NRXN3: variants seen among roughly 807,000 people sequenced by gnomAD.
NRXN3 encodes neurexin III.
NRXN3 carries 32 observed loss-of-function variants against 137.6 expected under a neutral mutation model. The ratio of observed to expected loss-of-function variants is 0.23; its 90% CI spans 0.18 to 0.31. NRXN3 has a LOEUF of 0.31. Ranked by LOEUF, NRXN3 falls within the 10% of genes least tolerant of loss-of-function variation. The pLI, the probability that NRXN3 is intolerant of heterozygous loss-of-function variation, is 1.00. For missense variants in NRXN3, 1,574 were observed against 2,062.5 expected (o/e 0.76, Z 4.59); for synonymous variants, 798 against 784.5 (o/e 1.02, Z -0.29).
intron 10 of NRXN3, among the ~76,000 whole-genome samples, chr14:78,826,545 T>C (rs2098967313): frequency 6.6e-6 from 1 of 152,196 alleles, no homozygotes; most frequent in Admixed American, 6.5e-5. Flanking sequence ...CCAAACTCAT[T>C]GGGTTCTAAG....
intron 16 of NRXN3, among the ~76,000 whole-genome samples, chr14:79,625,882 G>A (rs1387783696): frequency 6.6e-6 from 1 of 152,180 alleles, no homozygotes; most frequent in Non-Finnish European, 1.5e-5. Flanking sequence ...CGGCAACTGA[G>A]CCTCTTTCAC....
intron 4 of NRXN3, among the ~76,000 whole-genome samples, chr14:78,417,445 A>C (rs568794910): frequency 3.5e-4 from 54 of 152,202 alleles, no homozygotes; most frequent in Middle Eastern, 3.4e-3. Flanking sequence ...CTGTGCTCAT[A>C]ATTTCCTGAG....
intron 15 of NRXN3, among the ~76,000 whole-genome samples, chr14:78,993,593 T>C (rs1355653729): frequency 6.6e-6 from 1 of 152,210 alleles, no homozygotes; most frequent in Non-Finnish European, 1.5e-5. Flanking sequence ...CTTTATCATG[T>C]ATTGATTCAT....
chr14:78,803,541 G>T, intron 8 of NRXN3, 79 bp from the exon 9 acceptor site: 1 of 1,343,368 alleles, frequency 7.4e-7, no homozygotes, highest in African/African-American at 1.4e-5. Context: ...CTCTCTACTC[G>T]CTTAGCCTGA....
chr14:78,943,276 G>T (rs951781505), intron 10 of NRXN3, among the ~76,000 whole-genome samples: 1 of 152,218 alleles, frequency 6.6e-6, no homozygotes, highest in South Asian at 2.1e-4. Flanking sequence ...TAATGGTGAT[G>T]AAGAAGACTA....
intron 2 of NRXN3, among the ~76,000 whole-genome samples, chr14:78,266,678 G>T (rs1470353922): frequency 1.3e-5 from 2 of 152,126 alleles, no homozygotes; most frequent in Admixed American, 6.5e-5. Context: ...GCAGACTCCT[G>T]TTGAGCCTTC....
At chr14:78,826,778 A>T (rs1462491584) in intron 10 of NRXN3, among the ~76,000 whole-genome samples, 1 of 152,174 alleles carries the variant, frequency 6.6e-6, no homozygotes, top group East Asian at 1.9e-4. Context: ...CTACTGTTTT[A>T]AAATTCTTAA....
At position 78,450,038 on chromosome 14, in the gene NRXN3, T is replaced by C. The variant is rs531569871; in HGVS notation, c.757+152178T>C. On this transcript the variant is annotated intron_variant, in intron 4 of 20. Transcript: ENST00000335750. ...TTTGACAGAGGGTCCCAAAGGTGAA[T>C]GCCTGAGGCATATGGAAAGCTCATC... Among the ~76,000 whole-genome samples the C allele has an allele frequency of 1.5e-3, 227 of 152,280 alleles. 1 individual carries two copies. Among genetic ancestry groups the C allele is most frequent in the South Asian group, 0.013 (61 of 4,822 alleles).
intron 17 of NRXN3, among the ~76,000 whole-genome samples, chr14:79,669,863 G>T (rs1474292388): frequency 6.6e-6 from 1 of 151,800 alleles, no homozygotes. Context: ...GCATTTTTTT[G>T]TTTGTTTTTT....
At chr14:78,614,819 GAA>G in intron 4 of NRXN3, 1 of 363,304 alleles carries the variant, frequency 2.8e-6, no homozygotes, top group East Asian at 7.4e-5. Flanking sequence ...ATTAGGTAAT[GAA>G]ACAACTCTTG....
chr14:79,755,775 A>T (rs1251251270), intron 19 of NRXN3, among the ~76,000 whole-genome samples: 3 of 152,292 alleles, frequency 2.0e-5, no homozygotes, highest in African/African-American at 7.2e-5. Flanking sequence ...CTTGGAAATC[A>T]TGCCATTGTT....
chr14:78,302,125 C>T (rs1309913160), intron 4 of NRXN3, among the ~76,000 whole-genome samples: 2 of 152,230 alleles, frequency 1.3e-5, no homozygotes, highest in African/African-American at 4.8e-5. Flanking sequence ...ATGCGTGTGG[C>T]ACTGTTGCCT....
At chr14:79,644,774 ATG>A (rs34467057) in intron 16 of NRXN3, among the ~76,000 whole-genome samples, 3,802 of 136,270 alleles carry the variant, frequency 0.028, 359 homozygotes, top group African/African-American at 0.087. Flanking sequence ...ATTCTCTGAT[ATG>A]TGTTTTGTGC....
chr14:79,441,472 C>T (rs1263569879), intron 15 of NRXN3, among the ~76,000 whole-genome samples: 5 of 144,396 alleles, frequency 3.5e-5, no homozygotes, highest in South Asian at 2.3e-4. Flanking sequence ...CTCCGCCTCC[C>T]GGGTTCACGC....
chr14:78,654,879 C>G (rs1390339715), intron 6 of NRXN3, among the ~76,000 whole-genome samples: 7 of 152,158 alleles, frequency 4.6e-5, no homozygotes. Flanking sequence ...CTTTTAGGTA[C>G]TATTGACCAC....
intron 3 of NRXN3, among the ~76,000 whole-genome samples, chr14:78,287,735 CT>C (rs1567173186): frequency 6.6e-6 from 1 of 152,208 alleles, no homozygotes; most frequent in Non-Finnish European, 1.5e-5. Flanking sequence ...TCTAATTACA[CT>C]CCTAGTGTTT....
At chr14:78,866,884 G>A (rs1031632111) in intron 10 of NRXN3, among the ~76,000 whole-genome samples, 11 of 137,610 alleles carry the variant, frequency 8.0e-5, no homozygotes, top group East Asian at 2.3e-4. Flanking sequence ...TGTAACCTCC[G>A]CCTCCCAGGT....
At chr14:78,666,253 C>G (rs1262510744) in intron 6 of NRXN3, among the ~76,000 whole-genome samples, 1 of 152,168 alleles carries the variant, frequency 6.6e-6, no homozygotes, top group Non-Finnish European at 1.5e-5. Context: ...TTTGTTTCTT[C>G]TTCTCAGAGT....
chr14:78,345,100 T>C (rs1269963599), intron 4 of NRXN3, among the ~76,000 whole-genome samples: 1 of 152,156 alleles, frequency 6.6e-6, no homozygotes, highest in East Asian at 1.9e-4. Flanking sequence ...GACATGCACA[T>C]GCGCATGTGT....
Sources: allele counts gnomAD v4.1 joint callset (sites outside exome capture counted in the v4.1 genomes callset), GRCh38; gene constraint gnomAD v4.1.1; transcripts MANE v1.5; gene names NCBI Gene and HGNC (gene_info 2026-07-23, HGNC 2026-07-21).